The following AGMAT variants were observed in gnomAD, a reference collection of about 807,000 sequenced individuals.
AGMAT encodes guanidino acid hydrolase, mitochondrial.
In AGMAT, 37 loss-of-function variants were observed where a neutral mutation model predicts 29.3. The observed-to-expected ratio is 1.26, with a 90% CI of 0.97 to 1.66. AGMAT has a LOEUF of 1.66. Among genes scored for constraint, AGMAT ranks in the 40% most tolerant of loss-of-function variants. The pLI is 0.00. For missense variants in AGMAT, 498 were observed against 497.8 expected, an observed-to-expected ratio of 1.00 and a Z score of 0.00; for synonymous variants, 199 against 200.8, an observed-to-expected ratio of 0.99 and a Z score of 0.08.
chr1:15,578,912 C>T lies in AGMAT; in HGVS notation c.667G>A (p.Gly223Ser), dbSNP rs1420339433. ...AAGGTCGTGGAAGAGCCCCGGATGC[C>T]AATCTGCACCACACGCTTACAGTCC... ...LLDCKRVVQI[G>S]IRGSSTTLDP... The change falls in exon 4 of 7, where the codon GGC becomes AGC. Residue 223 changes from glycine (G) to serine (S), a missense_variant. Transcript: ENST00000375826. 1 of 1,614,048 alleles carries T rather than the reference C, an allele frequency of 6.2e-7. No homozygotes were observed. Among genetic ancestry groups the T allele is most frequent in the African/African-American group, 1.3e-5 (1 of 74,910 alleles).
Position 15,578,918 on chromosome 1 carries a change from G to A in AGMAT, c.661C>T (p.Gln221Ter). Reference protein sequence around the residue: ...EGLLDCKRVVQIGIRGSSTTL... With the variant: ...EGLLDCKRVV ...GTGGAAGAGCCCCGGATGCCAATCTGCACCACACGCTTACAGTCCAGGAGA... is the reference window on the plus strand; with the variant it reads ...GTGGAAGAGCCCCGGATGCCAATCTACACCACACGCTTACAGTCCAGGAGA... The change falls in exon 4 of 7, where the codon CAG becomes TAG. Residue 221 changes from glutamine to a stop codon, truncating the protein, a stop_gained. Transcript: ENST00000375826. LOFTEE classifies it high-confidence loss of function. 1 of 1,614,144 alleles carries A rather than the reference G, an allele frequency of 6.2e-7. No homozygotes were observed.
At chr1:15,580,972 T>C (rs1396978752) in intron 2 of AGMAT, among the ~76,000 whole-genome samples, 3 of 151,078 alleles carry the variant, frequency 2.0e-5, no homozygotes, top group Non-Finnish European at 4.4e-5. Flanking sequence ...TGAAACTCCA[T>C]CTCAAAAAAT....
chr1:15,584,325 G>A (rs1418142529), intron 1 of AGMAT, among the ~76,000 whole-genome samples: 1 of 116,968 alleles, frequency 8.5e-6, no homozygotes, highest in Non-Finnish European at 1.8e-5. Flanking sequence ...TCTTTTTTTT[G>A]TACCTTTGTA....
chr1:15,576,740 C>CTTTTGTTTTTTTTTTTTTTT (rs1639044144), intron 5 of AGMAT, among the ~76,000 whole-genome samples: 1 of 35,796 alleles, frequency 2.8e-5, no homozygotes, highest in South Asian at 1.6e-3. Flanking sequence ...GTTTAGTGTT[C>CTTTTGTTTTTTTTTTTTTTT]TTTTTTTTTT....
rs778716865 is a variant in AGMAT, at chr1:15,574,860, G to T, written c.901-19C>A. ...CCAGAGCCTATTCAAGATCAAGACT[G>T]AGTTGTCCACAGTGGTAATCATTTA... On this transcript the variant is annotated intron_variant, in intron 5 of 6. Coordinates refer to ENST00000375826, the MANE Select transcript of AGMAT (RefSeq NM_024758.5). 6.2e-7 allele frequency: 1 copy of T among 1,601,904 alleles called. No individual in the cohort carries two copies. Among genetic ancestry groups the T allele is most frequent in the East Asian group, 2.2e-5 (1 of 44,760 alleles).
At chr1:15,579,143 TCAC>T in intron 3 of AGMAT, 89 bp from the exon 4 acceptor site, 1 of 1,339,720 alleles carries the variant, frequency 7.5e-7, no homozygotes, top group African/African-American at 1.5e-5. Context: ...TGGTGACAAT[TCAC>T]AGCCAAAAAG....
chr1:15,581,231 C>A (rs574451431), intron 2 of AGMAT, among the ~76,000 whole-genome samples: 1 of 152,036 alleles, frequency 6.6e-6, no homozygotes, highest in South Asian at 2.1e-4. Context: ...GCCTGTAGAC[C>A]CAGCTACTCG....
At chr1:15,578,002 G>A in intron 4 of AGMAT, 138 bp from the exon 5 acceptor site, 2 of 825,658 alleles carry the variant, frequency 2.4e-6, no homozygotes. Context: ...CTATTTTACA[G>A]GTGAGGAAGG....
intron 1 of AGMAT, among the ~76,000 whole-genome samples, chr1:15,584,435 C>A (rs557818107): frequency 6.6e-6 from 1 of 152,298 alleles, no homozygotes; most frequent in East Asian, 1.9e-4. Context: ...CAGGCATGAG[C>A]CACCGGGCCG....
intron 5 of AGMAT, among the ~76,000 whole-genome samples, chr1:15,576,808 G>T (rs1312328210): frequency 1.5e-5 from 2 of 130,604 alleles, no homozygotes; most frequent in African/African-American, 5.9e-5. Context: ...AGACTGCAGT[G>T]GTTCTATCTC....
rs191078196 is a variant in AGMAT, at chr1:15,580,574, T to C, written c.476-432A>G. Among the ~76,000 whole-genome samples the C allele has an allele frequency of 1.6e-4, 24 of 152,232 alleles. No homozygotes were observed. In the East Asian group the frequency reaches 4.6e-3, roughly 29 times the overall value. The stretch of plus-strand genomic sequence containing the variant: ...TATAACCACAGCTACAGTAAGATCT[T>C]ATAGAATGGCAGGATGCTGAATGAG... On this transcript the variant is annotated intron_variant, in intron 2 of 6. Coordinates refer to ENST00000375826, the MANE Select transcript of AGMAT (RefSeq NM_024758.5).
intron 5 of AGMAT, among the ~76,000 whole-genome samples, chr1:15,576,692 T>G (rs1249744034): frequency 6.8e-6 from 1 of 146,098 alleles, no homozygotes; most frequent in Non-Finnish European, 1.5e-5. Context: ...CCTCCCAGAG[T>G]GCTGGGATTC....
intron 3 of AGMAT, among the ~76,000 whole-genome samples, chr1:15,579,396 C>T (rs533753638): frequency 1.3e-5 from 2 of 152,284 alleles, no homozygotes; most frequent in Admixed American, 6.5e-5. Flanking sequence ...TTTCTCCAAC[C>T]GAGGAAGAGG....
chr1:15,574,378 CTTTT>C (rs1408152074), intron 6 of AGMAT, among the ~76,000 whole-genome samples: 1 of 136,576 alleles, frequency 7.3e-6, no homozygotes, highest in Non-Finnish European at 1.6e-5. Context: ...AGGGACTCAT[CTTTT>C]TTTTTTTTTT....
At chr1:15,578,117 G>A (rs1639064336) in intron 4 of AGMAT, among the ~76,000 whole-genome samples, 1 of 152,204 alleles carries the variant, frequency 6.6e-6, no homozygotes. Context: ...GCTCACGCTA[G>A]CACCTTTTGA....
Position 15,584,746 on chromosome 1 carries a change from G to A in AGMAT, c.222C>T (p.Ala74=), listed in dbSNP as rs748588619. 7 of 1,349,524 alleles carry A rather than the reference G, an allele frequency of 5.2e-6. No homozygotes were observed. The highest frequency in any genetic ancestry group is 3.1e-5 in the Admixed American group (1 of 32,484). 83.6% of individuals were successfully genotyped at this position (1,349,524 alleles called of 1,614,324 possible). A position where few individuals can be genotyped will look rare whatever the true frequency, so the allele number is the denominator to read the frequency against. ...VQTSPEGLDA[A]FIGVPLDTGT... is the part of the protein sequence containing the mutation. Reference sequence around the variant, plus strand: ...CAGTATCCAGGGGCACCCCGATGAAGGCAGCGTCCAGCCCCTCGGGGGAGG... The same window carrying A: ...CAGTATCCAGGGGCACCCCGATGAAAGCAGCGTCCAGCCCCTCGGGGGAGG... Residue 74 remains alanine (A), a synonymous_variant, in exon 1 of 7, where the codon GCC becomes GCT. Transcript: ENST00000375826.
chr1:15,577,727 T>A lies in AGMAT; in HGVS notation c.858A>T (p.Pro286=), dbSNP rs777384893. Residue 286 remains proline (P), a synonymous_variant, in exon 5 of 7, where the codon CCA becomes CCT. Coordinates refer to ENST00000375826, the MANE Select transcript of AGMAT (RefSeq NM_024758.5). ...DIDALDPAYA[P]GTGTPEIAGL... Reference sequence around the variant, plus strand: ...CAGCAATTTCAGGTGTCCCTGTCCCTGGCGCATAGGCAGGATCCAGAGCGT... The same window carrying A: ...CAGCAATTTCAGGTGTCCCTGTCCCAGGCGCATAGGCAGGATCCAGAGCGT... 2 of 1,614,190 alleles carry A rather than the reference T, an allele frequency of 1.2e-6. No homozygotes were observed. Among genetic ancestry groups the A allele is most frequent in the Non-Finnish European group, 1.7e-6 (2 of 1,180,004 alleles).
rs772410131 is a variant in AGMAT at position 15,584,748 on chromosome 1, C to A, written c.220G>T (p.Ala74Ser). 4 of 1,349,706 alleles carry A rather than the reference C, an allele frequency of 3.0e-6. No individual in the cohort carries two copies. Among genetic ancestry groups the A allele is most frequent in the Non-Finnish European group, 3.8e-6 (4 of 1,045,516 alleles). The allele number at this position is 1,349,706 out of a possible 1,614,324, so 83.6% of individuals were successfully genotyped here. The change falls in exon 1 of 7, where the codon GCC (alanine) becomes TCC (serine). Residue 74 changes from alanine to serine, a missense_variant. Physicochemically the swap from Ala to Ser is moderately conservative, Grantham distance 99. Coordinates refer to ENST00000375826, the MANE Select transcript of AGMAT (RefSeq NM_024758.5). The part of the protein sequence containing the change: ...VQTSPEGLDA[A>S]FIGVPLDTGT... ...GTATCCAGGGGCACCCCGATGAAGG[C>A]AGCGTCCAGCCCCTCGGGGGAGGTC... is the stretch of plus-strand genomic sequence containing the variant.
At position 15,585,021 on chromosome 1, in the gene AGMAT, T is replaced by A; in HGVS notation, c.-54A>T. The A allele has an allele frequency of 7.8e-7, 1 of 1,281,172 alleles. No individual in the cohort carries two copies. Among genetic ancestry groups the A allele is most frequent in the Non-Finnish European group, 9.8e-7 (1 of 1,017,452 alleles). 79.4% of individuals were successfully genotyped at this position (1,281,172 alleles called of 1,614,324 possible). A position where few individuals can be genotyped will look rare whatever the true frequency, so the allele number is the denominator to read the frequency against. ...CAAACCGCCCGCGAGGCCGCCGCGA[T>A]CTGGCTGGTCCCGAACGGCGAGGCG... On this transcript the variant is annotated 5_prime_UTR_variant, in exon 1 of 7. Transcript: ENST00000375826.
Sources: gnomAD v4.1 joint callset for allele counts (sites outside exome capture counted in the v4.1 genomes callset) on GRCh38, gnomAD v4.1.1 for gene constraint, MANE v1.5 for transcripts, NCBI Gene and HGNC (gene_info 2026-07-23, HGNC 2026-07-21) for gene names.